DSN1: variants seen among roughly 807,000 people sequenced by gnomAD.
The protein encoded by DSN1 is DSN1 component of MIS12 kinetochore complex.
In DSN1, 31 loss-of-function variants were observed where a neutral mutation model predicts 45.7. That is an observed-to-expected ratio of 0.68 (90% CI 0.51 to 0.92). The LOEUF is 0.92. Ranked by LOEUF, DSN1 falls within the 40% of genes least tolerant of loss-of-function variation. The pLI is 0.00. For missense variants in DSN1, 394 were observed against 414.2 expected, an observed-to-expected ratio of 0.95 and a Z score of 0.42; for synonymous variants, 134 against 142.3, an observed-to-expected ratio of 0.94 and a Z score of 0.41.
At position 36,754,837 on chromosome 20, in the gene DSN1, T is replaced by C; in HGVS notation, c.887A>G (p.Gln296Arg). 1 of 1,613,850 alleles carries C rather than the reference T, an allele frequency of 6.2e-7. No individual in the cohort carries two copies. The change falls in exon 10 of 11, where the codon CAA becomes CGA. Residue 296 changes from glutamine to arginine, a missense_variant. Coordinates refer to ENST00000373750, the MANE Select transcript of DSN1 (RefSeq NM_001145315.2). ...GGCCTGCAGCTGTTTCACTGATCCT[T>C]GCAGTTCATCCATCTGTAGAAAAAA... ...DCMELVMDEL[Q>R]GSVKQLQAFM...
chr20:36,753,583 A>G (rs1986494025), intron 10 of DSN1, among the ~76,000 whole-genome samples: 3 of 149,944 alleles, frequency 2.0e-5, no homozygotes, highest in Non-Finnish European at 4.4e-5. Flanking sequence ...GGTTGCAGTG[A>G]GCCAAGATCA....
intron 6 of DSN1, 109 bp downstream of exon 6, chr20:36,762,352 C>T (rs570001752): frequency 1.7e-4 from 135 of 815,856 alleles, no homozygotes; most frequent in African/African-American, 1.5e-3. Context: ...CCTCGTAATC[C>T]GCCCACCTCG....
At chr20:36,761,238 G>C (rs958551677) in intron 6 of DSN1, among the ~76,000 whole-genome samples, 10 of 152,072 alleles carry the variant, frequency 6.6e-5, no homozygotes, top group African/African-American at 2.4e-4. Flanking sequence ...CAAGCCCAAG[G>C]TCAAATCATT....
intron 3 of DSN1, among the ~76,000 whole-genome samples, chr20:36,770,596 C>T (rs1175021225): frequency 3.3e-5 from 5 of 152,160 alleles, no homozygotes; most frequent in Non-Finnish European, 2.9e-5. Flanking sequence ...CAGTGGCTCA[C>T]GCCTGTAGTC....
At position 36,771,426 on chromosome 20, in the gene DSN1, A is replaced by G. The variant is rs780478502; in HGVS notation, c.33T>C (p.Asp11=). Residue 11 remains aspartate (D), a splice_region_variant and synonymous_variant, in exon 2 of 11, where the codon GAT becomes GAC. Coordinates refer to ENST00000373750, the MANE Select transcript of DSN1 (RefSeq NM_001145315.2). MTSVTRSEII[D]EKGPVMSKTH... is the part of the protein sequence containing the mutation. Reference sequence around the variant, plus strand: ...ACTGAATTTCACTACAATACTTACCATCTATGATCTCTGATCTAGTCACTG... The same window carrying G: ...ACTGAATTTCACTACAATACTTACCGTCTATGATCTCTGATCTAGTCACTG... 1 of 1,613,716 alleles carries G rather than the reference A, an allele frequency of 6.2e-7. No individual in the cohort carries two copies.
At chr20:36,755,916 G>A in intron 8 of DSN1, 87 bp from the exon 9 acceptor site, 3 of 1,454,962 alleles carry the variant, frequency 2.1e-6, no homozygotes, top group Non-Finnish European at 2.8e-6. Flanking sequence ...AGCTGAATCA[G>A]TATTCCTCCA....
chr20:36,768,099 A>G, intron 3 of DSN1, 57 bp from the exon 4 acceptor site: 1 of 1,549,876 alleles, frequency 6.5e-7, no homozygotes, highest in East Asian at 2.3e-5. Flanking sequence ...TTAGCAACTA[A>G]CAAAACTGAA....
chr20:36,770,727 T>C, intron 3 of DSN1, 146 bp downstream of exon 3: 2 of 874,664 alleles, frequency 2.3e-6, no homozygotes, highest in African/African-American at 1.7e-5. Context: ...GAACATTTAC[T>C]AGGTGTTTGA....
At chr20:36,761,548 ATAGGGAGACCCCGCCTTTAAAATT>A (rs937416706) in intron 6 of DSN1, among the ~76,000 whole-genome samples, 4 of 151,976 alleles carry the variant, frequency 2.6e-5, no homozygotes, top group Non-Finnish European at 5.9e-5. Context: ...CCTCAGTAAC[ATAGGGAGACCCCGCCTTTAAAATT>A]AAAAATAGGC....
In DSN1 at chr20:36,771,155, A is replaced by G. The variant is rs1191686024; in HGVS notation, c.73T>C (p.Leu25=). 1 of 1,613,728 alleles carries G rather than the reference A, an allele frequency of 6.2e-7. No individual in the cohort carries two copies. Among genetic ancestry groups the G allele is most frequent in the South Asian group, 1.1e-5 (1 of 91,044 alleles). The change falls in exon 3 of 11, where the codon TTG becomes CTG. Residue 25 remains leucine, a synonymous_variant. Transcript: ENST00000373750. ...TCCACAGGACTGAGACTTGATTCCA[A>G]TTGATGATCATGAGTCTTAGACATC... is the stretch of plus-strand genomic sequence containing the variant. The part of the protein sequence containing the change: ...PVMSKTHDHQ[L]ESSLSPVEVF...
At chr20:36,773,620 T>A in intron 1 of DSN1, 42 bp downstream of exon 1, 8 of 985,570 alleles carry the variant, frequency 8.1e-6, no homozygotes, top group Non-Finnish European at 9.6e-6. Flanking sequence ...AGAGGACAAG[T>A]CTGTGACTTC....
intron 1 of DSN1, among the ~76,000 whole-genome samples, chr20:36,772,896 C>G (rs2425285): frequency 0.063 from 9,526 of 152,322 alleles, 1,033 homozygotes; most frequent in African/African-American, 0.22. Flanking sequence ...TATTTGTATT[C>G]CTAGTGACTG....
At chr20:36,771,543 C>T (rs1601029276) in intron 1 of DSN1, 70 bp from the exon 2 acceptor site, 1 of 1,465,632 alleles carries the variant, frequency 6.8e-7, no homozygotes, top group East Asian at 2.3e-5. Context: ...CTTTACAGCC[C>T]CAGAATAAAT....
chr20:36,767,739 T>TA (rs1364664537), intron 4 of DSN1, among the ~76,000 whole-genome samples: 2 of 151,976 alleles, frequency 1.3e-5, no homozygotes, highest in African/African-American at 4.8e-5. Flanking sequence ...CTGTCTCTAC[T>TA]AAAAGTACAA....
chr20:36,769,200 C>G (rs1387091404), intron 3 of DSN1, among the ~76,000 whole-genome samples: 2 of 152,188 alleles, frequency 1.3e-5, no homozygotes. Context: ...CACTTGTAAA[C>G]AATTACTACA....
chr20:36,763,259 C>A (rs1031450629), intron 5 of DSN1, among the ~76,000 whole-genome samples: 1 of 151,468 alleles, frequency 6.6e-6, no homozygotes, highest in Non-Finnish European at 1.5e-5. Flanking sequence ...CAAAAATATA[C>A]CTGGGCGTGG....
intron 9 of DSN1, 27 bp from the exon 10 acceptor site, chr20:36,754,877 G>GTCTT: frequency 1.2e-6 from 2 of 1,601,788 alleles, no homozygotes; most frequent in Middle Eastern, 1.7e-4. Flanking sequence ...GCTGTGAGCT[G>GTCTT]TAAAGGTCCA....
At chr20:36,762,129 CAG>C (rs1331591694) in intron 6 of DSN1, among the ~76,000 whole-genome samples, 2 of 107,874 alleles carry the variant, frequency 1.9e-5, no homozygotes, top group Non-Finnish European at 3.5e-5. Context: ...TTTTGTGAGA[CAG>C]AGTCTCTCTC....
chr20:36,773,000 A>G (rs1349015613), intron 1 of DSN1, among the ~76,000 whole-genome samples: 1 of 152,228 alleles, frequency 6.6e-6, no homozygotes, highest in Non-Finnish European at 1.5e-5. Flanking sequence ...GGGGGTGCTA[A>G]GTAAAAAGAT....
Sources: allele counts gnomAD v4.1 joint callset (sites outside exome capture counted in the v4.1 genomes callset), GRCh38; gene constraint gnomAD v4.1.1; transcripts MANE v1.5; gene names NCBI Gene and HGNC (gene_info 2026-07-23, HGNC 2026-07-21).